RARB: variants seen among roughly 807,000 people sequenced by gnomAD.
RARB encodes the protein HBV-activated protein.
In RARB, 17 loss-of-function variants were observed where a neutral mutation model predicts 51.9. That is an observed-to-expected ratio of 0.33 (90% CI 0.22 to 0.49). The LOEUF (loss-of-function observed/expected upper bound fraction) is 0.49, where lower values mean the gene tolerates loss of function less well. RARB is among the 20% of genes least tolerant of loss of function. The pLI is 0.99. For synonymous variants in RARB, 215 were observed against 195.4 expected, an observed-to-expected ratio of 1.10 and a Z score of -0.84; for missense variants, 369 against 550.8, an observed-to-expected ratio of 0.67 and a Z score of 3.30.
intron 5 of RARB, among the ~76,000 whole-genome samples, chr3:25,349,606 T>C (rs965728565): frequency 6.6e-6 from 1 of 152,156 alleles, no homozygotes; most frequent in Non-Finnish European, 1.5e-5. Flanking sequence ...ATTCATGTCC[T>C]CAAATGAGAT....
intron 3 of RARB, among the ~76,000 whole-genome samples, chr3:25,070,124 C>A (rs1245291137): frequency 6.6e-6 from 1 of 152,160 alleles, no homozygotes; most frequent in Non-Finnish European, 1.5e-5. Context: ...CTTGGCTTTG[C>A]AACTCTATTA....
rs184101001 is a variant in RARB, at chr3:25,024,210, C to T, written c.-379-35915C>T. Among the ~76,000 whole-genome samples the T allele has an allele frequency of 3.3e-5, 5 of 152,236 alleles. No homozygotes were observed. In the East Asian group the frequency reaches 9.6e-4, roughly 29 times the overall value. The stretch of plus-strand genomic sequence containing the variant: ...GACTTTTGTAGATTTTTCTTTGCAG[C>T]CCTGAGAAACTTTAGATCTGTCTTT... On this transcript the variant is annotated intron_variant, in intron 2 of 11. Transcript: ENST00000383772.
At chr3:24,992,742 A>G (rs1696939100) in intron 2 of RARB, among the ~76,000 whole-genome samples, 1 of 151,998 alleles carries the variant, frequency 6.6e-6, no homozygotes, top group South Asian at 2.1e-4. Context: ...CTCTTTTTAT[A>G]TGGACACCAG....
At chr3:25,187,339 A>T (rs1441244012) in intron 5 of RARB, among the ~76,000 whole-genome samples, 2 of 152,068 alleles carry the variant, frequency 1.3e-5, no homozygotes, top group Admixed American at 1.3e-4. Flanking sequence ...CCTCAAGATA[A>T]CAGGTACTTC....
At chr3:25,419,716 G>C (rs1455235186) in intron 5 of RARB, among the ~76,000 whole-genome samples, 1 of 152,164 alleles carries the variant, frequency 6.6e-6, no homozygotes, top group Non-Finnish European at 1.5e-5. Context: ...ACCATGCCTT[G>C]GGAATCACTG....
chr3:25,547,452 C>G (rs894793899), intron 3 of RARB, among the ~76,000 whole-genome samples: 1 of 152,178 alleles, frequency 6.6e-6, no homozygotes, highest in Non-Finnish European at 1.5e-5. Flanking sequence ...ACTACTGTTC[C>G]CAGGAACATA....
At chr3:25,298,696 G>A (rs144427598) in intron 5 of RARB, among the ~76,000 whole-genome samples, 1 of 152,270 alleles carries the variant, frequency 6.6e-6, no homozygotes, top group Non-Finnish European at 1.5e-5. Flanking sequence ...GGGGCCTACT[G>A]ATTCCAAGGA....
At chr3:25,359,871 T>C (rs1167008678) in intron 5 of RARB, among the ~76,000 whole-genome samples, 1 of 152,216 alleles carries the variant, frequency 6.6e-6, no homozygotes, top group Admixed American at 6.5e-5. Flanking sequence ...CTTTTGCATT[T>C]GCTGAGGAAT....
intron 2 of RARB, among the ~76,000 whole-genome samples, chr3:25,048,680 C>T (rs2125298474): frequency 6.6e-6 from 1 of 151,218 alleles, no homozygotes; most frequent in Admixed American, 6.6e-5. Flanking sequence ...TGCTAGGGTT[C>T]ATCTGGCCAC....
intron 5 of RARB, among the ~76,000 whole-genome samples, chr3:25,248,271 G>T (rs536597869): frequency 1.3e-5 from 2 of 152,184 alleles, no homozygotes; most frequent in African/African-American, 4.8e-5. Context: ...TTAAGGTGAG[G>T]TGAGTTTCTT....
chr3:25,390,257 G>C (rs1706913055), intron 5 of RARB, among the ~76,000 whole-genome samples: 1 of 152,240 alleles, frequency 6.6e-6, no homozygotes, highest in East Asian at 1.9e-4. Flanking sequence ...TACTCAGGAA[G>C]CTGAGGAGGG....
intron 5 of RARB, among the ~76,000 whole-genome samples, chr3:25,387,874 G>GAA (rs762671160): frequency 7.2e-6 from 1 of 139,604 alleles, no homozygotes; most frequent in African/African-American, 2.6e-5. Flanking sequence ...TTAGGGAATA[G>GAA]AAAAAAAAAA....
chr3:25,000,871 C>T (rs568496675), intron 2 of RARB, among the ~76,000 whole-genome samples: 2 of 152,188 alleles, frequency 1.3e-5, no homozygotes, highest in African/African-American at 2.4e-5. Context: ...TCATTAAGAG[C>T]ACTCATGAAG....
chr3:25,145,960 C>T (rs1308171043), intron 4 of RARB, among the ~76,000 whole-genome samples: 1 of 151,848 alleles, frequency 6.6e-6, no homozygotes, highest in African/African-American at 2.4e-5. Context: ...TGAGATCACG[C>T]CACTGCACTT....
rs1205387534 is a variant in RARB at position 25,388,585 on chromosome 3, CA to C, written c.179-72604del. Among the ~76,000 whole-genome samples the C allele has an allele frequency of 2.0e-5, 3 of 152,128 alleles. No individual in the cohort carries two copies. In the East Asian group the frequency reaches 5.8e-4, roughly 29 times the overall value. ...CAAAGAAATTGTTTTTTTGCCCTGG[CA>C]AAATGAAATTTGTGCTTAGTAATAA... On this transcript the variant is annotated intron_variant, in intron 5 of 11. Coordinates refer to the RARB transcript ENST00000383772.
chr3:25,152,626 C>T (rs931750149), intron 4 of RARB, among the ~76,000 whole-genome samples: 13 of 152,062 alleles, frequency 8.5e-5, no homozygotes, highest in Admixed American at 2.0e-4. Flanking sequence ...ATTATGTTTA[C>T]GTACACATAC....
At chr3:25,577,271 G>A (rs1700976499) in intron 4 of RARB, among the ~76,000 whole-genome samples, 1 of 152,142 alleles carries the variant, frequency 6.6e-6, no homozygotes, top group Non-Finnish European at 1.5e-5. Flanking sequence ...AGCCAAATGG[G>A]GACCATAATG....
At chr3:24,859,036 C>CAAAAAAAAAAAAAAA (rs1169235713) in intron 2 of RARB, among the ~76,000 whole-genome samples, 1 of 50,320 alleles carries the variant, frequency 2.0e-5, no homozygotes, top group Non-Finnish European at 4.3e-5. Flanking sequence ...GACTCTGTCT[C>CAAAAAAAAAAAAAAA]AAAAAAAAAA....
chr3:25,410,003 A>C (rs1382706957), intron 5 of RARB, among the ~76,000 whole-genome samples: 1 of 152,168 alleles, frequency 6.6e-6, no homozygotes, highest in Non-Finnish European at 1.5e-5. Context: ...AGATCTTGAC[A>C]ATTTTTTCAT....
Sources: gnomAD v4.1 joint callset for allele counts (sites outside exome capture counted in the v4.1 genomes callset) on GRCh38, gnomAD v4.1.1 for gene constraint, MANE v1.5 for transcripts, NCBI Gene and HGNC (gene_info 2026-07-23, HGNC 2026-07-21) for gene names.